The following BBS1 variants were observed in gnomAD, a reference collection of about 807,000 sequenced individuals.
BBS1 encodes BBSome complex member BBS1.
In BBS1, 60 loss-of-function variants were observed where a neutral mutation model predicts 73.9. That is an observed-to-expected ratio of 0.81 (90% CI 0.66 to 1.01). The LOEUF (loss-of-function observed/expected upper bound fraction) is 1.01, where lower values mean the gene tolerates loss of function less well. Among genes scored for constraint, BBS1 ranks in the 50% least tolerant of loss-of-function variants. The pLI, the probability that BBS1 is intolerant of heterozygous loss-of-function variation, is 0.00. For synonymous variants in BBS1, 283 were observed against 317.4 expected, an observed-to-expected ratio of 0.89 and a Z score of 1.15; for missense variants, 718 against 770.3, an observed-to-expected ratio of 0.93 and a Z score of 0.80.
chr11:66,531,532 C>T, intron 15 of BBS1, 124 bp from the exon 16 acceptor site: 1 of 1,252,564 alleles, frequency 8.0e-7, no homozygotes, highest in Non-Finnish European at 1.2e-6. Context: ...CTCCACCCAG[C>T]AGTTGTCCTG....
At chr11:66,530,200 A>C (rs1332171363) in intron 14 of BBS1, among the ~76,000 whole-genome samples, 4 of 152,184 alleles carry the variant, frequency 2.6e-5, no homozygotes, top group African/African-American at 9.7e-5. Flanking sequence ...TCTCCAGCTC[A>C]GATAGGCCCC....
chr11:66,516,122 C>CTT (rs35735110), intron 7 of BBS1, among the ~76,000 whole-genome samples, 189 bp downstream of exon 7: 1,370 of 99,252 alleles, frequency 0.014, 1 homozygote, highest in Non-Finnish European at 0.017. Flanking sequence ...GTAGTGACAG[C>CTT]TTTTTTTTTT....
intron 11 of BBS1, among the ~76,000 whole-genome samples, chr11:66,525,314 G>A (rs552080414): frequency 4.1e-4 from 62 of 152,016 alleles, no homozygotes; most frequent in African/African-American, 1.2e-3. Flanking sequence ...AACTGAGATC[G>A]CGCCACTGCA....
intron 3 of BBS1, among the ~76,000 whole-genome samples, chr11:66,512,121 A>C (rs1855967846): frequency 6.7e-6 from 1 of 150,150 alleles, no homozygotes; most frequent in Non-Finnish European, 1.5e-5. Context: ...AAAAGATACA[A>C]GTTTTTTAAA....
intron 9 of BBS1, 87 bp from the exon 10 acceptor site, chr11:66,523,369 A>G: frequency 1.9e-6 from 3 of 1,583,306 alleles, no homozygotes; most frequent in Non-Finnish European, 2.6e-6. Flanking sequence ...CTCCCAGGTG[A>G]GTCCATGAGG....
intron 3 of BBS1, among the ~76,000 whole-genome samples, chr11:66,512,010 A>ATATATATGTG (rs1565280697): frequency 7.0e-6 from 1 of 143,230 alleles, no homozygotes; most frequent in African/African-American, 2.7e-5. Context: ...AAAAATATAT[A>ATATATATGTG]TATATATATG....
In BBS1 at chr11:66,523,158, C is replaced by T. The variant is rs1329736835; in HGVS notation, c.831-298C>T. 7 of 532,698 alleles carry T rather than the reference C, an allele frequency of 1.3e-5. No homozygotes were observed. The East Asian group carries it at 3.3e-4, about 25-fold the overall frequency. The allele number at this position is 532,698 out of a possible 1,614,324, so 33.0% of individuals were successfully genotyped here. On this transcript the variant is annotated intron_variant, in intron 9 of 16. Coordinates refer to ENST00000318312, the MANE Select transcript of BBS1 (RefSeq NM_024649.5). ...GCCAAAGGTAAACTCACTGAAAACT[C>T]TGTTAAATGCTAGATGATCATACAA...
chr11:66,514,247 G>A (rs908324153), intron 3 of BBS1, among the ~76,000 whole-genome samples, 159 bp from the exon 4 acceptor site: 1 of 152,248 alleles, frequency 6.6e-6, no homozygotes, highest in African/African-American at 2.4e-5. Flanking sequence ...ATTCAGAAAG[G>A]TTAGTCAACT....
intron 5 of BBS1, 23 bp from the exon 6 acceptor site, chr11:66,515,670 C>T (rs755258346): frequency 6.2e-7 from 1 of 1,614,224 alleles, no homozygotes; most frequent in Non-Finnish European, 8.5e-7. Flanking sequence ...ATTCGGCTGC[C>T]ATGCTGGCCC....
Position 66,531,999 on chromosome 11 carries a change from G to T in BBS1, c.1744G>T (p.Val582Phe), listed in dbSNP as rs111358560. The change falls in exon 17 of 17, where the codon GTC (valine) becomes TTC (phenylalanine). Residue 582 changes from valine to phenylalanine, a missense_variant. Transcript: ENST00000318312. ...GQSAPLLSAH[V>F]NMPGSEGLAA... ...AAGTGCACCCCTGCTGAGTGCCCAC[G>T]TCAACATGCCTGGGAGCGAGGGGCT... 1 of 1,608,264 alleles carries T rather than the reference G, an allele frequency of 6.2e-7. No individual in the cohort carries two copies. The highest frequency in any genetic ancestry group is 8.5e-7 in the Non-Finnish European group (1 of 1,177,942).
Position 66,519,698 on chromosome 11 carries a change from A to G in BBS1, c.673A>G (p.Asn225Asp). 6.2e-7 allele frequency: 1 copy of G among 1,613,834 alleles called. No individual in the cohort carries two copies. The highest frequency in any genetic ancestry group is 8.5e-7 in the Non-Finnish European group (1 of 1,179,984). Reference sequence around the variant, plus strand: ...GTCTTGCCTGGTGCTGGGCACCGAGAACAAGGAGCTCCTGGTGCTTGACCC... The same window carrying G: ...GTCTTGCCTGGTGCTGGGCACCGAGGACAAGGAGCTCCTGGTGCTTGACCC... ...AVSCLVLGTE[N>D]KELLVLDPEA... is the part of the protein sequence containing the mutation. Residue 225 changes from asparagine (N) to aspartate (D), a missense_variant, in exon 8 of 17, where the codon AAC becomes GAC. By Grantham distance (23) the Asn-to-Asp change is conservative (BLOSUM62 1). Transcript: ENST00000318312.
intron 3 of BBS1, among the ~76,000 whole-genome samples, chr11:66,512,385 G>C (rs1418024745): frequency 6.6e-6 from 1 of 152,096 alleles, no homozygotes; most frequent in Non-Finnish European, 1.5e-5. Context: ...TATCATGTGG[G>C]TGGCTAGAAG....
chr11:66,511,234 T>C lies in BBS1; in HGVS notation c.154T>C (p.Tyr52His), dbSNP rs1565280390. The change falls in exon 3 of 17, where the codon TAC becomes CAC. Residue 52 changes from tyrosine (Y) to histidine (H), a missense_variant. Physicochemically the swap from Tyr to His is moderately conservative, Grantham distance 83 (BLOSUM62 2). Coordinates refer to ENST00000318312, the MANE Select transcript of BBS1 (RefSeq NM_024649.5). Reference sequence around the variant, plus strand: ...GGCAGATTTACATGGGGATGGGGAATACAAGGTAAGCATATCACCCTAGCC... The same window carrying C: ...GGCAGATTTACATGGGGATGGGGAACACAAGGTAAGCATATCACCCTAGCC... Reference protein sequence around the residue: ...ALADLHGDGEYKLVVGDLGPG... With the variant: ...ALADLHGDGEHKLVVGDLGPG... The C allele has an allele frequency of 6.2e-7, 1 of 1,613,998 alleles. No homozygotes were observed. Among genetic ancestry groups the C allele is most frequent in the South Asian group, 1.1e-5 (1 of 91,082 alleles).
rs370608923 is a variant in BBS1, at chr11:66,511,076, T to C, written c.111T>C (p.Phe37=). 6.2e-7 allele frequency: 1 copy of C among 1,614,084 alleles called. No homozygotes were observed. Among genetic ancestry groups the C allele is most frequent in the African/African-American group, 1.3e-5 (1 of 74,940 alleles). The change falls in exon 2 of 17, where the codon TTT becomes TTC. Residue 37 remains phenylalanine (F), a synonymous_variant. Coordinates refer to ENST00000318312, the MANE Select transcript of BBS1 (RefSeq NM_024649.5). ...ACCCAATGGCCAATATCCACACCTT[T>C]TCTGCCTGCCTAGGTGAGTCTCTGG... The part of the protein sequence containing the change: ...HYDPMANIHT[F]SACLALADLH...
chr11:66,526,785 G>A lies in BBS1; in HGVS notation c.1317G>A (p.Leu439=), dbSNP rs1856525583. 6.2e-7 allele frequency: 1 copy of A among 1,614,250 alleles called. No homozygotes were observed. Among genetic ancestry groups the A allele is most frequent in the Middle Eastern group, 1.6e-4 (1 of 6,062 alleles). Residue 439 remains leucine (L), a synonymous_variant, in exon 13 of 17, where the codon CTG becomes CTA. Coordinates refer to ENST00000318312, the MANE Select transcript of BBS1 (RefSeq NM_024649.5). ...CCCGGCTTTACGTGGATCAGACACT[G>A]CGAGAGCGGGAGGCTGGCACCGGTG... is the stretch of plus-strand genomic sequence containing the variant. ...RKTRLYVDQT[L]REREAGTAMH...
rs1160201592 is a variant in BBS1 at position 66,519,182 on chromosome 11, G to C, written c.592-435G>C. On this transcript the variant is annotated intron_variant, in intron 7 of 16. Coordinates refer to ENST00000318312, the MANE Select transcript of BBS1 (RefSeq NM_024649.5). ...GGTGGATCACAGGTCAGGAGTTCAA[G>C]ACCAACCTGGGCAACATGGTGAAAC... Among the ~76,000 whole-genome samples the C allele has an allele frequency of 2.0e-5, 3 of 152,166 alleles. No individual in the cohort carries two copies. In the South Asian group the frequency reaches 6.2e-4, roughly 32 times the overall value.
At chr11:66,522,589 A>G (rs550522320) in intron 9 of BBS1, among the ~76,000 whole-genome samples, 2 of 152,022 alleles carry the variant, frequency 1.3e-5, no homozygotes, top group South Asian at 4.1e-4. Flanking sequence ...CTTGTGATCC[A>G]CCCTTCTCGG....
At position 66,528,985 on chromosome 11, in the gene BBS1, AAAAAGGAAG is replaced by A. The variant is rs1282299703; in HGVS notation, c.1340-829_1340-821del. 3.9e-5 allele frequency: 29 copies of A among 744,022 alleles called. No homozygotes were observed. The African/African-American group carries it at 5.5e-4, about 14-fold the overall frequency. The allele number at this position is 744,022 out of a possible 1,614,324, so 46.1% of individuals were successfully genotyped here. The stretch of plus-strand genomic sequence containing the variant: ...CTCTGTCTCAAAAAAAAAAAAAAAA[AAAAAGGAAG>A]AAAATCAGACCTTTTCTTCATACCA... On this transcript the variant is annotated intron_variant, in intron 13 of 16. Coordinates refer to ENST00000318312, the MANE Select transcript of BBS1 (RefSeq NM_024649.5).
At chr11:66,527,200 T>A in intron 13 of BBS1, 1 of 569,558 alleles carries the variant, frequency 1.8e-6, no homozygotes, top group East Asian at 2.9e-5. Flanking sequence ...TAATGATACT[T>A]CTTTCTCAAA....
Sources: gnomAD v4.1 joint callset for allele counts (sites outside exome capture counted in the v4.1 genomes callset) on GRCh38, gnomAD v4.1.1 for gene constraint, MANE v1.5 for transcripts, NCBI Gene and HGNC (gene_info 2026-07-23, HGNC 2026-07-21) for gene names.